The following KIAA1217 variants were observed in gnomAD, a reference collection of about 807,000 sequenced individuals.
The protein encoded by KIAA1217 is sickle tail protein homolog.
KIAA1217 carries 88 observed loss-of-function variants against 163.9 expected under a neutral mutation model. The observed-to-expected ratio is 0.54, with a 90% CI of 0.45 to 0.64. The LOEUF is 0.64. Among genes scored for constraint, KIAA1217 ranks in the 30% least tolerant of loss-of-function variants. The pLI is 0.00. For missense variants in KIAA1217, 2,372 were observed against 2,475.0 expected (o/e 0.96, Z 0.88); for synonymous variants, 903 against 923.1 (o/e 0.98, Z 0.39).
chr10:23,800,981 AC>A (rs2130956425), intron 1 of KIAA1217, among the ~76,000 whole-genome samples: 1 of 152,282 alleles, frequency 6.6e-6, no homozygotes, highest in Non-Finnish European at 1.5e-5. Flanking sequence ...TTGGGTATAT[AC>A]CCAAAGGATT....
chr10:23,737,955 A>AT (rs1309983423), intron 1 of KIAA1217, among the ~76,000 whole-genome samples: 1 of 151,918 alleles, frequency 6.6e-6, no homozygotes, highest in African/African-American at 2.4e-5. Flanking sequence ...CTTGTAGCTG[A>AT]TTTTTTTATA....
At chr10:24,186,825 G>A (rs1467361646) in intron 2 of KIAA1217, among the ~76,000 whole-genome samples, 1 of 152,160 alleles carries the variant, frequency 6.6e-6, no homozygotes, top group African/African-American at 2.4e-5. Flanking sequence ...GGAAAGCAGA[G>A]GCTGCAGTGG....
At chr10:24,304,367 A>G (rs976319539) in intron 2 of KIAA1217, among the ~76,000 whole-genome samples, 2 of 151,918 alleles carry the variant, frequency 1.3e-5, no homozygotes, top group Non-Finnish European at 2.9e-5. Context: ...AAATTTTTTT[A>G]CTTAAATAAT....
intron 1 of KIAA1217, among the ~76,000 whole-genome samples, chr10:23,816,836 C>A (rs753023278): frequency 1.8e-4 from 28 of 152,144 alleles, no homozygotes; most frequent in Non-Finnish European, 2.9e-4. Context: ...TGGTGGAAAT[C>A]GGCCTTTGGG....
rs769797460 is a variant in KIAA1217 at position 23,918,733 on chromosome 10, T to TATATATATACAC, written c.-320-88491_-320-88490insTATATATACACA. Among the ~76,000 whole-genome samples the TATATATATACAC allele has an allele frequency of 3.1e-3, 464 of 147,558 alleles. 2 individuals are homozygous for TATATATATACAC. Among genetic ancestry groups the TATATATATACAC allele is most frequent in the African/African-American group, 0.011 (445 of 40,006 alleles). ...GTGTGATCTTTAAGAATTAAATATA[T>TATATATATACAC]ACACACACACACACACACACACACA... On this transcript the variant is annotated intron_variant, in intron 1 of 18. Transcript: ENST00000376462.
chr10:24,040,467 C>A (rs995896425), intron 2 of KIAA1217, among the ~76,000 whole-genome samples: 48 of 152,180 alleles, frequency 3.2e-4, no homozygotes, highest in African/African-American at 1.2e-3. Context: ...TGTTCTTGGG[C>A]AGACATAAAA....
chr10:24,050,659 T>C lies in KIAA1217; in HGVS notation c.-171+43285T>C, dbSNP rs929833121. On this transcript the variant is annotated intron_variant, in intron 2 of 18. Coordinates refer to the KIAA1217 transcript ENST00000376462. ...TGAGGCTCTGTTCTATTCCATTGGCTTATGTATCTGTTTTGGTACCAGTAC... is the reference window on the plus strand; with the variant it reads ...TGAGGCTCTGTTCTATTCCATTGGCCTATGTATCTGTTTTGGTACCAGTAC... Among the ~76,000 whole-genome samples, 3 of 152,106 alleles carry C rather than the reference T, an allele frequency of 2.0e-5. No individual in the cohort carries two copies. In the South Asian group the frequency reaches 6.2e-4, roughly 32 times the overall value.
chr10:24,134,596 C>T lies in KIAA1217; in HGVS notation c.-170-85030C>T, dbSNP rs190104162. ...TATTAATTAATTTATTTTTTAGAGG[C>T]AAAATCTCACTCTGTTCTCCAAGCT... On this transcript the variant is annotated intron_variant, in intron 2 of 18. Transcript: ENST00000376462. Among the ~76,000 whole-genome samples, 6 of 152,048 alleles carry T rather than the reference C, an allele frequency of 3.9e-5. No individual in the cohort carries two copies. In the East Asian group the frequency reaches 9.6e-4, roughly 24 times the overall value.
chr10:23,785,239 G>A lies in KIAA1217; in HGVS notation c.-321+90005G>A, dbSNP rs566776318. 3.9e-5 allele frequency among the ~76,000 whole-genome samples: 6 copies of A among 152,190 alleles called. No individual in the cohort carries two copies. The South Asian group carries it at 1.2e-3, about 32-fold the overall frequency. On this transcript the variant is annotated intron_variant, in intron 1 of 18. Coordinates refer to the KIAA1217 transcript ENST00000376462. ...CAGAAGTTCCCAGATGCGCCATAGG[G>A]CCCCAGACCCTTTGCTTGGAGTATT...
intron 5 of KIAA1217, among the ~76,000 whole-genome samples, chr10:24,464,453 C>T (rs1349388281): frequency 2.0e-5 from 3 of 152,146 alleles, no homozygotes; most frequent in Admixed American, 6.5e-5. Flanking sequence ...CTCTCTCTAG[C>T]GTAATGGACA....
intron 2 of KIAA1217, among the ~76,000 whole-genome samples, chr10:24,359,290 A>G (rs2049623031): frequency 6.6e-6 from 1 of 151,900 alleles, no homozygotes; most frequent in Admixed American, 6.6e-5. Flanking sequence ...ACGGAGTCTC[A>G]GCATGTTGGC....
At chr10:23,865,425 C>T (rs1160022488) in intron 1 of KIAA1217, among the ~76,000 whole-genome samples, 2 of 151,984 alleles carry the variant, frequency 1.3e-5, no homozygotes, top group Non-Finnish European at 2.9e-5. Context: ...CCCACTTTTC[C>T]ATTTATTTCT....
intron 1 of KIAA1217, among the ~76,000 whole-genome samples, chr10:23,733,382 T>C (rs904928785): frequency 4.6e-5 from 7 of 152,202 alleles, no homozygotes; most frequent in African/African-American, 1.4e-4. Context: ...CGCTTTTCAG[T>C]AGTACAATCA....
intron 2 of KIAA1217, among the ~76,000 whole-genome samples, chr10:24,066,493 A>G (rs981858535): frequency 6.6e-6 from 1 of 152,122 alleles, no homozygotes; most frequent in African/African-American, 2.4e-5. Flanking sequence ...TGGCTTGTAG[A>G]GTTTCTGCCG....
chr10:24,501,335 T>G, intron 8 of KIAA1217, 44 bp from the exon 9 acceptor site: 1 of 1,577,534 alleles, frequency 6.3e-7, no homozygotes, highest in Non-Finnish European at 8.7e-7. Flanking sequence ...AGCTTAGACT[T>G]TCCTTTGTGG....
intron 1 of KIAA1217, among the ~76,000 whole-genome samples, chr10:23,964,945 C>G (rs1030383502): frequency 6.6e-6 from 1 of 152,114 alleles, no homozygotes; most frequent in African/African-American, 2.4e-5. Context: ...AGAATACGAA[C>G]TTTATCTTGA....
intron 1 of KIAA1217, among the ~76,000 whole-genome samples, chr10:23,954,170 C>G (rs1007281255): frequency 2.6e-5 from 4 of 152,148 alleles, no homozygotes; most frequent in African/African-American, 9.7e-5. Flanking sequence ...ACCATCTGAG[C>G]TTTCTTCTTC....
chr10:24,202,677 C>T (rs1370619529), intron 2 of KIAA1217, among the ~76,000 whole-genome samples: 1 of 152,142 alleles, frequency 6.6e-6, no homozygotes, highest in Non-Finnish European at 1.5e-5. Context: ...CATCTTTGGC[C>T]TCATCCTCCT....
chr10:23,901,436 A>C (rs548679949), intron 1 of KIAA1217, among the ~76,000 whole-genome samples: 15 of 152,288 alleles, frequency 9.8e-5, no homozygotes, highest in Admixed American at 9.1e-4. Flanking sequence ...ATACTGATAC[A>C]AAGCAAGAAA....
Sources: gnomAD v4.1 joint callset for allele counts (sites outside exome capture counted in the v4.1 genomes callset) on GRCh38, gnomAD v4.1.1 for gene constraint, MANE v1.5 for transcripts, NCBI Gene and HGNC (gene_info 2026-07-23, HGNC 2026-07-21) for gene names.